The following PTPRD variants were observed in gnomAD, a reference collection of about 807,000 sequenced individuals.
The protein encoded by PTPRD is receptor-type tyrosine-protein phosphatase delta.
In PTPRD, 34 loss-of-function variants were observed where a neutral mutation model predicts 214.5. That is an observed-to-expected ratio of 0.16 (90% CI 0.12 to 0.21). The LOEUF is 0.21. PTPRD is among the 10% of genes least tolerant of loss of function. The probability of loss-of-function intolerance (pLI) is 1.00; values close to 1 mark genes in which losing one functional copy is unlikely to be tolerated. For synonymous variants in PTPRD, 1,128 were observed against 845.7 expected (o/e 1.33, Z -5.79); for missense variants, 2,545 against 2,398.7 (o/e 1.06, Z -1.27).
intron 3 of PTPRD, among the ~76,000 whole-genome samples, chr9:10,318,939 G>A (rs1313045363): frequency 6.6e-6 from 1 of 152,064 alleles, no homozygotes; most frequent in African/African-American, 2.4e-5. Flanking sequence ...AGAACTACCA[G>A]AAGACTTCTG....
intron 3 of PTPRD, among the ~76,000 whole-genome samples, chr9:10,186,868 C>T (rs1415608305): frequency 6.6e-6 from 1 of 152,020 alleles, no homozygotes; most frequent in Non-Finnish European, 1.5e-5. Context: ...TTAAATAACT[C>T]CACAATTAGG....
At chr9:9,190,522 A>G (rs2099934482) in intron 9 of PTPRD, among the ~76,000 whole-genome samples, 1 of 151,964 alleles carries the variant, frequency 6.6e-6, no homozygotes, top group South Asian at 2.1e-4. Flanking sequence ...ATTCTCAGGT[A>G]TGTCTTTATC....
intron 5 of PTPRD, among the ~76,000 whole-genome samples, chr9:9,825,899 T>A (rs2052655128): frequency 6.6e-6 from 1 of 151,764 alleles, no homozygotes; most frequent in African/African-American, 2.4e-5. Context: ...TTTATTCTTT[T>A]TTCTTTAAGA....
chr9:10,395,057 A>G (rs2098141565), intron 2 of PTPRD, among the ~76,000 whole-genome samples: 2 of 149,302 alleles, frequency 1.3e-5, no homozygotes, highest in African/African-American at 5.0e-5. Flanking sequence ...GTAAATGCTG[A>G]GAAATGTCTC....
At chr9:8,876,732 C>A (rs901448628) in intron 11 of PTPRD, among the ~76,000 whole-genome samples, 3 of 152,062 alleles carry the variant, frequency 2.0e-5, no homozygotes, top group African/African-American at 7.2e-5. Flanking sequence ...TACCAAGTGA[C>A]CAGGTACCCT....
intron 3 of PTPRD, among the ~76,000 whole-genome samples, chr9:10,063,789 C>G (rs1173682307): frequency 2.0e-5 from 3 of 151,966 alleles, no homozygotes; most frequent in Non-Finnish European, 4.4e-5. Flanking sequence ...TCAGAGGTAA[C>G]TGGACTGTGA....
chr9:10,330,962 T>C (rs778104201), intron 3 of PTPRD, among the ~76,000 whole-genome samples: 25 of 151,800 alleles, frequency 1.6e-4, no homozygotes, highest in Non-Finnish European at 3.4e-4. Flanking sequence ...TTCCAGTTTA[T>C]CTTTATGGGT....
intron 21 of PTPRD, among the ~76,000 whole-genome samples, chr9:8,508,915 G>C (rs1446932055): frequency 6.6e-6 from 1 of 151,726 alleles, no homozygotes; most frequent in Admixed American, 6.6e-5. Context: ...GTGTGTGTGT[G>C]TGTGTGTGTG....
chr9:8,798,013 G>A (rs1002929181), intron 11 of PTPRD, among the ~76,000 whole-genome samples: 1 of 152,026 alleles, frequency 6.6e-6, no homozygotes, highest in African/African-American at 2.4e-5. Flanking sequence ...TATCTTGCAA[G>A]AGAAATGGTA....
intron 11 of PTPRD, among the ~76,000 whole-genome samples, chr9:8,769,095 G>C (rs1019402815): frequency 3.3e-5 from 5 of 151,946 alleles, no homozygotes; most frequent in African/African-American, 1.2e-4. Context: ...AATCACCCAA[G>C]GAAAATGTTT....
At chr9:10,272,399 A>G (rs1216597846) in intron 3 of PTPRD, among the ~76,000 whole-genome samples, 1 of 152,214 alleles carries the variant, frequency 6.6e-6, no homozygotes, top group Non-Finnish European at 1.5e-5. Context: ...TAAAGAGTGC[A>G]TCTGTGAACA....
intron 4 of PTPRD, among the ~76,000 whole-genome samples, chr9:9,953,764 T>C (rs936915653): frequency 6.6e-6 from 1 of 152,096 alleles, no homozygotes; most frequent in Non-Finnish European, 1.5e-5. Context: ...GCAGGTACCA[T>C]CTGGCAATGC....
At chr9:9,041,691 C>T (rs1336021938) in intron 10 of PTPRD, among the ~76,000 whole-genome samples, 1 of 152,108 alleles carries the variant, frequency 6.6e-6, no homozygotes, top group Non-Finnish European at 1.5e-5. Flanking sequence ...TTGGAAAATT[C>T]TACTCACAGA....
chr9:10,480,224 C>A (rs1028373501), intron 2 of PTPRD, among the ~76,000 whole-genome samples: 1 of 152,136 alleles, frequency 6.6e-6, no homozygotes, highest in Non-Finnish European at 1.5e-5. Flanking sequence ...GTCCCCAATA[C>A]AGAATTTTCA....
chr9:8,822,673 G>C (rs886996234), intron 11 of PTPRD, among the ~76,000 whole-genome samples: 1 of 152,128 alleles, frequency 6.6e-6, no homozygotes, highest in Non-Finnish European at 1.5e-5. Flanking sequence ...ATACCTCACA[G>C]CCTTCGGTTG....
At chr9:10,504,856 A>G (rs10959129) in intron 2 of PTPRD, among the ~76,000 whole-genome samples, 53,648 of 151,904 alleles carry the variant, frequency 0.35, 9,628 homozygotes, top group Middle Eastern at 0.4. Context: ...ATTATCTCTT[A>G]CTATTATATT....
At chr9:9,620,265 C>G (rs539428614) in intron 7 of PTPRD, among the ~76,000 whole-genome samples, 2 of 152,228 alleles carry the variant, frequency 1.3e-5, no homozygotes, top group South Asian at 4.1e-4. Flanking sequence ...TAAAAGGATA[C>G]CGATACCTAC....
At chr9:9,643,526 C>T (rs537792282) in intron 7 of PTPRD, among the ~76,000 whole-genome samples, 2 of 152,244 alleles carry the variant, frequency 1.3e-5, no homozygotes, top group South Asian at 4.2e-4. Context: ...ACAAATAGTG[C>T]TCTAGGCAAC....
chr9:10,531,245 C>A (rs1016618460), intron 2 of PTPRD, among the ~76,000 whole-genome samples: 1 of 152,016 alleles, frequency 6.6e-6, no homozygotes, highest in African/African-American at 2.4e-5. Flanking sequence ...CCACTATGCC[C>A]GGCCAATGGA....
Sources: gnomAD v4.1 joint callset for allele counts (sites outside exome capture counted in the v4.1 genomes callset) on GRCh38, gnomAD v4.1.1 for gene constraint, MANE v1.5 for transcripts, NCBI Gene and HGNC (gene_info 2026-07-23, HGNC 2026-07-21) for gene names.